The following TRAK1 variants were observed in gnomAD, a reference collection of about 807,000 sequenced individuals.
TRAK1 encodes trafficking kinesin protein 1, also known as trafficking kinesin-binding protein 1.
In TRAK1, 33 loss-of-function variants were observed where a neutral mutation model predicts 92.1. The ratio of observed to expected loss-of-function variants is 0.36; its 90% confidence interval spans 0.27 to 0.48. The LOEUF (loss-of-function observed/expected upper bound fraction) is 0.48. TRAK1 is among the 20% of genes least tolerant of loss of function. The pLI is 0.99. For synonymous variants in TRAK1, 521 were observed against 517.3 expected (o/e 1.01, Z -0.10); for missense variants, 1,123 against 1,257.9 (o/e 0.89, Z 1.62).
chr3:42,068,133 A>G lies in TRAK1; in HGVS notation c.-518-18971A>G, dbSNP rs578096286. Among the ~76,000 whole-genome samples, 7 of 152,018 alleles carry G rather than the reference A, an allele frequency of 4.6e-5. No homozygotes were observed. In the South Asian group the frequency reaches 1.5e-3, roughly 32 times the overall value. On this transcript the variant is annotated intron_variant, in intron 1 of 16. Coordinates refer to the TRAK1 transcript ENST00000487159. ...AAGATCATAATCACTGCACTCCAGCATGGGCAAGAGAGCGAGACTCTGTCT... is the reference window on the plus strand; with the variant it reads ...AAGATCATAATCACTGCACTCCAGCGTGGGCAAGAGAGCGAGACTCTGTCT...
chr3:42,102,880 T>C (rs1706996276), intron 1 of TRAK1, among the ~76,000 whole-genome samples: 2 of 152,198 alleles, frequency 1.3e-5, no homozygotes, highest in South Asian at 2.1e-4. Flanking sequence ...AGTTCTCTGC[T>C]TCCTGCCTCT....
At chr3:42,019,412 G>A (rs1406519603) in intron 1 of TRAK1, among the ~76,000 whole-genome samples, 2 of 152,118 alleles carry the variant, frequency 1.3e-5, no homozygotes, top group East Asian at 3.9e-4. Flanking sequence ...AGTAGCATGC[G>A]TGCTGCCACA....
chr3:42,017,845 A>G (rs557975167), intron 1 of TRAK1, among the ~76,000 whole-genome samples: 38 of 152,238 alleles, frequency 2.5e-4, no homozygotes, highest in African/African-American at 8.7e-4. Flanking sequence ...TTGTTTTCAA[A>G]ATTTATTATT....
At chr3:42,168,109 G>T (rs1484645320) in intron 2 of TRAK1, among the ~76,000 whole-genome samples, 3 of 152,200 alleles carry the variant, frequency 2.0e-5, no homozygotes, top group East Asian at 1.9e-4. Context: ...GCTGTATCAT[G>T]AAATTATTTC....
chr3:42,033,208 C>T (rs958409456), intron 1 of TRAK1, among the ~76,000 whole-genome samples: 1 of 152,156 alleles, frequency 6.6e-6, no homozygotes, highest in African/African-American at 2.4e-5. Context: ...TCTGTGACCC[C>T]TCCTCCTTGG....
At chr3:42,212,216 T>A in intron 14 of TRAK1, 1 of 985,454 alleles carries the variant, frequency 1.0e-6, no homozygotes, top group Non-Finnish European at 1.2e-6. Flanking sequence ...TGGGGCATCC[T>A]CTGTCTTGGG....
chr3:42,091,089 C>A (rs1705010424), upstream of TRAK1: 2 of 224,924 alleles, frequency 8.9e-6, no homozygotes, highest in Non-Finnish European at 1.7e-5. Context: ...ACTCCTCCCC[C>A]AGTTCCCAGC....
chr3:42,117,020 G>T (rs1042821763), intron 1 of TRAK1, among the ~76,000 whole-genome samples: 1 of 152,034 alleles, frequency 6.6e-6, no homozygotes, highest in African/African-American at 2.4e-5. Context: ...AGAAATCAGG[G>T]ACTCTCATAA....
chr3:42,159,817 A>G (rs1701034663), intron 2 of TRAK1, among the ~76,000 whole-genome samples: 1 of 152,150 alleles, frequency 6.6e-6, no homozygotes, highest in Non-Finnish European at 1.5e-5. Context: ...TCCACATCTT[A>G]AGCCCGCCCA....
chr3:42,130,604 C>G (rs1028392146), intron 2 of TRAK1, among the ~76,000 whole-genome samples: 23 of 151,942 alleles, frequency 1.5e-4, no homozygotes, highest in Admixed American at 8.5e-4. Context: ...TTATTTTTTT[C>G]CGTGACCTAA....
At chr3:42,102,916 T>G (rs1244686535) in intron 1 of TRAK1, among the ~76,000 whole-genome samples, 1 of 152,176 alleles carries the variant, frequency 6.6e-6, no homozygotes, top group African/African-American at 2.4e-5. Flanking sequence ...CAGCAGGACT[T>G]ACTTTCACAT....
intron 13 of TRAK1, chr3:42,203,862 T>C (rs1397585044): frequency 1.1e-6 from 1 of 903,558 alleles, no homozygotes; most frequent in East Asian, 1.2e-4. Context: ...GTATTAAAAT[T>C]AAAAAGAATC....
At chr3:42,221,246 T>C (rs1022088392) in intron 15 of TRAK1, among the ~76,000 whole-genome samples, 2 of 152,042 alleles carry the variant, frequency 1.3e-5, no homozygotes, top group African/African-American at 4.8e-5. Context: ...ACATCAACAT[T>C]TGTAAAACTC....
intron 1 of TRAK1, among the ~76,000 whole-genome samples, chr3:42,030,388 T>TA (rs1702084859): frequency 6.9e-6 from 1 of 145,782 alleles, no homozygotes; most frequent in African/African-American, 2.5e-5. Context: ...TATATATATA[T>TA]ATGGCCGGGC....
At chr3:42,047,145 T>C (rs1702782247) in intron 1 of TRAK1, among the ~76,000 whole-genome samples, 1 of 152,018 alleles carries the variant, frequency 6.6e-6, no homozygotes, top group Admixed American at 6.6e-5. Flanking sequence ...ACCTGAATTG[T>C]CTTCATATGT....
At chr3:42,198,906 A>G (rs1157681939) in intron 10 of TRAK1, among the ~76,000 whole-genome samples, 1 of 152,086 alleles carries the variant, frequency 6.6e-6, no homozygotes, top group Non-Finnish European at 1.5e-5. Context: ...CCAACGGAGC[A>G]TAGGGTTTGC....
rs1382861013 is a variant in TRAK1 at position 42,202,609 on chromosome 3, G to T, written c.1601G>T (p.Arg534Leu). The T allele has an allele frequency of 6.3e-7, 1 of 1,598,972 alleles. No homozygotes were observed. Among genetic ancestry groups the T allele is most frequent in the South Asian group, 1.1e-5 (1 of 90,310 alleles). Residue 534 changes from arginine (R) to leucine (L), a missense_variant, in exon 13 of 16, where the codon CGC (arginine) becomes CTC (leucine). By Grantham distance (102) the Arg-to-Leu change is moderately radical (BLOSUM62 -2). Around this residue, in one of 3 missense-constraint regions of TRAK1, gnomAD observed 686 missense variants for 747.6 expected, o/e 0.92. Coordinates refer to ENST00000327628, the MANE Select transcript of TRAK1 (RefSeq NM_001042646.3). The surrounding 1 kb of genome is among the most constrained non-coding windows in gnomAD (Gnocchi z 6.1). ...GAGCTGGCGGAGAAGGGCGAGCTGCGCAGCGGCTCCCTCACACCCACTGAG... is the reference window on the plus strand; with the variant it reads ...GAGCTGGCGGAGAAGGGCGAGCTGCTCAGCGGCTCCCTCACACCCACTGAG... Reference protein sequence around the residue: ...LQELAEKGELRSGSLTPTESI... With the variant: ...LQELAEKGELLSGSLTPTESI...
chr3:42,138,162 T>C (rs1169392074), intron 2 of TRAK1, among the ~76,000 whole-genome samples: 1 of 152,230 alleles, frequency 6.6e-6, no homozygotes, highest in Non-Finnish European at 1.5e-5. Flanking sequence ...TGTAGGAACA[T>C]CTTATAAGTA....
At chr3:42,093,250 C>T (rs1705366763) in intron 1 of TRAK1, among the ~76,000 whole-genome samples, 2 of 151,016 alleles carry the variant, frequency 1.3e-5, no homozygotes, top group African/African-American at 2.4e-5. Context: ...CTTTATTTCA[C>T]AGTTGATTTG....
Sources: allele counts gnomAD v4.1 joint callset (sites outside exome capture counted in the v4.1 genomes callset), GRCh38; gene constraint gnomAD v4.1.1; regional missense constraint gnomAD v4.1.1; non-coding constraint Gnocchi (gnomAD v3.1); transcripts MANE v1.5; gene names NCBI Gene and HGNC (gene_info 2026-07-23, HGNC 2026-07-21).